Variants in TENM2 observed in about 807,000 individuals in gnomAD.
TENM2 encodes the protein teneurin transmembrane protein 2.
A neutral mutation model predicts 245.2 loss-of-function variants in TENM2; 52 were observed. That is an observed-to-expected ratio of 0.21 (90% CI 0.17 to 0.27). TENM2 has a LOEUF of 0.27. Among genes scored for constraint, TENM2 ranks in the 10% least tolerant of loss-of-function variants. The probability of loss-of-function intolerance (pLI) is 1.00; values close to 1 mark genes in which losing one functional copy is unlikely to be tolerated. For synonymous variants in TENM2, 1,363 were observed against 1,438.9 expected, an observed-to-expected ratio of 0.95 and a Z score of 1.19; for missense variants, 3,046 against 3,666.8, an observed-to-expected ratio of 0.83 and a Z score of 4.37.
intron 2 of TENM2, among the ~76,000 whole-genome samples, chr5:167,506,350 A>C (rs536492045): frequency 6.6e-6 from 1 of 152,306 alleles, no homozygotes; most frequent in South Asian, 2.1e-4. Flanking sequence ...ACTTTAAAGA[A>C]TCTTCTAAGA....
chr5:167,591,212 A>G, intron 2 of TENM2, among the ~76,000 whole-genome samples: 1 of 152,214 alleles, frequency 6.6e-6, no homozygotes, highest in East Asian at 1.9e-4. Context: ...TACAATAGCC[A>G]TATTTTACCA....
Position 168,195,304 on chromosome 5 carries a change from C to T in TENM2, c.2900+9C>T. On this transcript the variant is annotated intron_variant, in intron 15 of 28. Coordinates refer to ENST00000518659, the Ensembl canonical transcript of TENM2. ...ACCCGCCAGGATGGCACGTGAGTAGCTTTGTGGGGCTCGGACCTACTCAGG... is the reference window on the plus strand; with the variant it reads ...ACCCGCCAGGATGGCACGTGAGTAGTTTTGTGGGGCTCGGACCTACTCAGG... The T allele has an allele frequency of 6.4e-7, 1 of 1,573,968 alleles. No individual in the cohort carries two copies. The highest frequency in any genetic ancestry group is 8.6e-7 in the Non-Finnish European group (1 of 1,158,058).
chr5:167,617,615 CTG>C (rs1220201065), intron 2 of TENM2, among the ~76,000 whole-genome samples: 1 of 152,152 alleles, frequency 6.6e-6, no homozygotes, highest in African/African-American at 2.4e-5. Flanking sequence ...CGTTCTACCT[CTG>C]TGTATTTTGC....
At position 167,844,699 on chromosome 5, in the gene TENM2, G is replaced by A. The variant is rs146051559; in HGVS notation, c.503-31287G>A. On this transcript the variant is annotated intron_variant, in intron 2 of 28. Transcript: ENST00000518659. ...ATTTTCCGTTTAACAATAGATTTCA[G>A]ACAAACTCATGTGCATAAGCTCTCC... Among the ~76,000 whole-genome samples the A allele has an allele frequency of 8.5e-3, 1,297 of 152,196 alleles. 13 individuals are homozygous for A. Among genetic ancestry groups the A allele is most frequent in the Middle Eastern group, 0.058 (17 of 294 alleles).
At chr5:167,554,569 C>G (rs1582374881) in intron 2 of TENM2, among the ~76,000 whole-genome samples, 2 of 152,196 alleles carry the variant, frequency 1.3e-5, no homozygotes, top group South Asian at 4.1e-4. Flanking sequence ...CAATGGCCAC[C>G]ATTCTAAGCG....
chr5:168,208,229 T>C (rs1018223348), intron 19 of TENM2, among the ~76,000 whole-genome samples: 4 of 152,236 alleles, frequency 2.6e-5, no homozygotes, highest in Admixed American at 6.5e-5. Flanking sequence ...TAGCTCCTTT[T>C]AATAAACATA....
chr5:167,101,849 T>TTATATATTTATATATATATATA, the TENM2 span, among the ~76,000 whole-genome samples: 1 of 69,456 alleles, frequency 1.4e-5, no homozygotes, highest in Non-Finnish European at 2.6e-5. Flanking sequence ...ATATATATAT[T>TTATATATTTATATATATATATA]TATATATATA....
chr5:167,646,739 A>G (rs1779992538), intron 2 of TENM2, among the ~76,000 whole-genome samples: 1 of 152,126 alleles, frequency 6.6e-6, no homozygotes, highest in Non-Finnish European at 1.5e-5. Flanking sequence ...TAATAGCACA[A>G]GTACAGTTTT....
At chr5:167,955,181 T>A (rs1469302667) in intron 4 of TENM2, among the ~76,000 whole-genome samples, 2 of 152,234 alleles carry the variant, frequency 1.3e-5, no homozygotes, top group African/African-American at 4.8e-5. Context: ...AGATGTTATC[T>A]CATTGTGGTT....
intron 2 of TENM2, among the ~76,000 whole-genome samples, chr5:167,627,714 T>C (rs1778602222): frequency 6.6e-6 from 1 of 152,036 alleles, no homozygotes; most frequent in African/African-American, 2.4e-5. Context: ...CCCACCGCCA[T>C]GCCAGGCTAA....
chr5:167,941,684 CA>C (rs981805963), intron 3 of TENM2, among the ~76,000 whole-genome samples: 30,610 of 110,010 alleles, frequency 0.28, 4,038 homozygotes, highest in African/African-American at 0.44. Flanking sequence ...CCATCTCTAC[CA>C]AAAAAAAAAA....
intron 13 of TENM2, chr5:168,165,282 CT>C (rs1758117461): frequency 6.6e-6 from 1 of 152,210 alleles, no homozygotes; most frequent in Admixed American, 6.5e-5. Context: ...ACGACTTTTG[CT>C]GGTAAGGTTC....
chr5:167,479,617 A>T (rs894823066), intron 2 of TENM2, among the ~76,000 whole-genome samples: 1 of 152,222 alleles, frequency 6.6e-6, no homozygotes, highest in Admixed American at 6.5e-5. Flanking sequence ...TCCAAAGGAA[A>T]AATGGGCCCT....
At chr5:168,087,636 G>T (rs959594773) in intron 7 of TENM2, among the ~76,000 whole-genome samples, 4 of 151,182 alleles carry the variant, frequency 2.6e-5, no homozygotes, top group Admixed American at 1.3e-4. Context: ...AGAAAGAAAT[G>T]ATCTTGAGGA....
intron 2 of TENM2, among the ~76,000 whole-genome samples, chr5:167,681,421 A>T (rs1756696999): frequency 6.6e-6 from 1 of 152,108 alleles, no homozygotes; most frequent in African/African-American, 2.4e-5. Flanking sequence ...TCCCCTACTA[A>T]TAGGCATTTA....
At chr5:167,015,925 A>T in the TENM2 span, among the ~76,000 whole-genome samples, 2 of 152,108 alleles carry the variant, frequency 1.3e-5, no homozygotes, top group African/African-American at 4.8e-5. Flanking sequence ...TAATCCTCAG[A>T]GGCCCAGAAA....
chr5:167,155,241 T>G, the TENM2 span, among the ~76,000 whole-genome samples: 1 of 152,222 alleles, frequency 6.6e-6, no homozygotes, highest in Non-Finnish European at 1.5e-5. Flanking sequence ...TGTTAAGATA[T>G]CATTATGCTT....
the TENM2 span, among the ~76,000 whole-genome samples, chr5:167,003,440 CTTAA>C: frequency 5.3e-5 from 8 of 152,166 alleles, no homozygotes; most frequent in Non-Finnish European, 8.8e-5. Context: ...ATCAGAGTTG[CTTAA>C]TTGTCAGTGA....
At chr5:168,044,716 G>A (rs1448110879) in intron 5 of TENM2, among the ~76,000 whole-genome samples, 1 of 151,856 alleles carries the variant, frequency 6.6e-6, no homozygotes, top group African/African-American at 2.4e-5. Context: ...CTTTATGAAA[G>A]GTAAAGGGAG....
Sources: allele counts gnomAD v4.1 joint callset (sites outside exome capture counted in the v4.1 genomes callset), GRCh38; gene constraint gnomAD v4.1.1; transcripts MANE v1.5; gene names NCBI Gene and HGNC (gene_info 2026-07-23, HGNC 2026-07-21).